The following COQ8B variants were observed in gnomAD, a reference collection of about 807,000 sequenced individuals.
COQ8B encodes coenzyme Q8B, also known as atypical kinase COQ8B, mitochondrial.
Under a neutral mutation model 62.0 loss-of-function variants are expected in COQ8B, and 44 were observed. The ratio of observed to expected loss-of-function variants is 0.71; its 90% confidence interval spans 0.56 to 0.91. COQ8B has a LOEUF of 0.91. Among genes scored for constraint, COQ8B ranks in the 40% least tolerant of loss-of-function variants. The pLI, the probability that COQ8B is intolerant of heterozygous loss-of-function variation, is 0.00. For missense variants in COQ8B, 649 were observed against 731.6 expected (o/e 0.89, Z 1.30); for synonymous variants, 252 against 289.9 (o/e 0.87, Z 1.33).
Position 40,692,365 on chromosome 19 carries a change from G to C in COQ8B, c.1305C>G (p.Ser435=). 2 of 1,613,084 alleles carry C rather than the reference G, an allele frequency of 1.2e-6. No homozygotes were observed. ...TCATCACTGCCTCCACGTGGGCGTC[G>C]GAGAATGCCTGGGAGTGGGGGTGGG... ...FLTGFETKAF[S]DAHVEAVMIL... Residue 435 remains serine, a synonymous_variant, in exon 15 of 15, where the codon TCC becomes TCG. Transcript: ENST00000324464.
chr19:40,695,490 C>T (rs539813292), intron 13 of COQ8B, among the ~76,000 whole-genome samples: 7 of 152,222 alleles, frequency 4.6e-5, no homozygotes, highest in Non-Finnish European at 8.8e-5. Context: ...GAGCCAAGTA[C>T]GTGAGGAAAC....
At chr19:40,701,544 T>C (rs765373654) in intron 10 of COQ8B, 5 of 152,080 alleles carry the variant, frequency 3.3e-5, no homozygotes, top group Non-Finnish European at 5.9e-5. Context: ...AGCTCCTCCT[T>C]TGGGGTTTGT....
Position 40,700,360 on chromosome 19 carries a change from C to T in COQ8B, c.985G>A (p.Gly329Arg), listed in dbSNP as rs538660506. 1.2e-6 allele frequency: 2 copies of T among 1,614,216 alleles called. No individual in the cohort carries two copies. Among genetic ancestry groups the T allele is most frequent in the African/African-American group, 1.3e-5 (1 of 75,076 alleles). ...TRVLGMELAG[G>R]VPLDQCQGLS... ...CCCTGGCACTGGTCCAGGGGGACCC[C>T]TCCAGCCAGCTCCATGCCCAGCACC... The change falls in exon 11 of 15, where the codon GGG becomes AGG. Residue 329 changes from glycine to arginine, a missense_variant. Coordinates refer to ENST00000324464, the MANE Select transcript of COQ8B (RefSeq NM_024876.4).
chr19:40,706,324 G>A (rs2082100835), intron 5 of COQ8B, among the ~76,000 whole-genome samples: 2 of 152,218 alleles, frequency 1.3e-5, no homozygotes, highest in Admixed American at 1.3e-4. Flanking sequence ...ACATTAAGAT[G>A]TTATTTTCCC....
At position 40,714,071 on chromosome 19, in the gene COQ8B, A is replaced by G. The variant is rs192920652; in HGVS notation, c.285T>C (p.Phe95=). 5 of 1,613,908 alleles carry G rather than the reference A, an allele frequency of 3.1e-6. No individual in the cohort carries two copies. In the East Asian group the frequency reaches 6.7e-5, roughly 22 times the overall value. The change falls in exon 4 of 15, where the codon TTT becomes TTC. Residue 95 remains phenylalanine, a synonymous_variant. Coordinates refer to ENST00000324464, the MANE Select transcript of COQ8B (RefSeq NM_024876.4). ...PASRISRLAN[F]GGLAVGLGLG... ...ATCCCCCAAAGTCACACCTACCCCCAAAGTTGGCCAAGCGGCTGATGCGGG... is the reference window on the plus strand; with the variant it reads ...ATCCCCCAAAGTCACACCTACCCCCGAAGTTGGCCAAGCGGCTGATGCGGG...
chr19:40,707,231 C>T (rs893087662), intron 5 of COQ8B, among the ~76,000 whole-genome samples: 7 of 151,160 alleles, frequency 4.6e-5, no homozygotes, highest in East Asian at 1.9e-4. Context: ...ATCCCGCCAC[C>T]GCACTCCAGC....
Position 40,714,068 on chromosome 19 carries a change from C to A in COQ8B, c.288G>T (p.Gly96=). The change falls in exon 4 of 15, where the codon GGG becomes GGT. Residue 96 remains glycine, a splice_region_variant and synonymous_variant. Transcript: ENST00000324464. ...AAGATCCCCCAAAGTCACACCTACC[C>A]CCAAAGTTGGCCAAGCGGCTGATGC... ...ASRISRLANF[G]GLAVGLGLGV... 2 of 1,614,094 alleles carry A rather than the reference C, an allele frequency of 1.2e-6. No homozygotes were observed. Among genetic ancestry groups the A allele is most frequent in the East Asian group, 2.2e-5 (1 of 44,862 alleles).
chr19:40,692,868 C>A, intron 14 of COQ8B, 83 bp downstream of exon 14: 2 of 1,236,502 alleles, frequency 1.6e-6, no homozygotes, highest in South Asian at 1.3e-5. Context: ...ATCACCTACT[C>A]GAGTTCCTCA....
intron 4 of COQ8B, 140 bp from the exon 5 acceptor site, chr19:40,710,276 G>T (rs972515459): frequency 9.3e-6 from 7 of 755,700 alleles, no homozygotes; most frequent in Non-Finnish European, 1.3e-5. Context: ...ATGGAGTCTC[G>T]CTCTGTTGCC....
chr19:40,711,785 T>G (rs1390544869), intron 4 of COQ8B, among the ~76,000 whole-genome samples: 1 of 152,220 alleles, frequency 6.6e-6, no homozygotes. Context: ...TCTGTGCACT[T>G]ACTAATTTTT....
chr19:40,715,642 C>T (rs1268754315), intron 1 of COQ8B: 6 of 974,874 alleles, frequency 6.2e-6, no homozygotes, highest in Non-Finnish European at 7.3e-6. Flanking sequence ...TACATACCCT[C>T]CCCCCCACTT....
In COQ8B at chr19:40,703,525, T is replaced by C; in HGVS notation, c.799+16A>G. ...CCCCTTTGGGAGGTCAGCAGAGGAG[T>C]GGGTGGGCGCCTCACCCGCGGGCAG... On this transcript the variant is annotated intron_variant, in intron 9 of 14. Coordinates refer to ENST00000324464, the MANE Select transcript of COQ8B (RefSeq NM_024876.4). 6.3e-7 allele frequency: 1 copy of C among 1,588,584 alleles called. No individual in the cohort carries two copies. The highest frequency in any genetic ancestry group is 8.6e-7 in the Non-Finnish European group (1 of 1,165,840).
chr19:40,707,540 T>C (rs1386591877), intron 5 of COQ8B, among the ~76,000 whole-genome samples: 2 of 151,654 alleles, frequency 1.3e-5, no homozygotes, highest in Non-Finnish European at 1.5e-5. Context: ...AACCTCCGCC[T>C]CCCCGGTTCA....
intron 9 of COQ8B, chr19:40,703,271 C>G (rs998768842): frequency 6.2e-5 from 28 of 454,652 alleles, no homozygotes; most frequent in Non-Finnish European, 9.4e-5. Context: ...CAATCCCGCT[C>G]CCTGCATGCA....
chr19:40,695,327 A>AAAAAAAAAGAAAAG (rs1279657448), intron 13 of COQ8B, among the ~76,000 whole-genome samples: 3 of 85,500 alleles, frequency 3.5e-5, no homozygotes, highest in Middle Eastern at 5.7e-3. Flanking sequence ...CAATTAAAAA[A>AAAAAAAAAGAAAAG]AAAAAAAAGA....
chr19:40,697,352 GA>G (rs2082022201), intron 12 of COQ8B, among the ~76,000 whole-genome samples: 1 of 152,070 alleles, frequency 6.6e-6, no homozygotes, highest in Non-Finnish European at 1.5e-5. Context: ...GGGCTCCAGT[GA>G]TCCTCCCACC....
chr19:40,700,098 G>A lies in COQ8B; in HGVS notation c.1112C>T (p.Ala371Val), dbSNP rs1364839291. ...FRFMQTDPNW[A>V]NFLYDASSHQ... is the part of the protein sequence containing the mutation. ...GCTGGAGGCATCATACAGGAAGTTG[G>A]CCCAGTTGGGGTCAGTCTGCATGAA... Residue 371 changes from alanine to valine, a missense_variant, in exon 12 of 15, where the codon GCC becomes GTC. Coordinates refer to ENST00000324464, the MANE Select transcript of COQ8B (RefSeq NM_024876.4). The A allele has an allele frequency of 6.2e-7, 1 of 1,614,126 alleles. No homozygotes were observed.
At chr19:40,704,159 T>A in intron 7 of COQ8B, 1 of 270,558 alleles carries the variant, frequency 3.7e-6, no homozygotes, top group Non-Finnish European at 7.0e-6. Flanking sequence ...TTTTTTTTTT[T>A]TTTTTTTTGA....
At chr19:40,692,480 C>T in intron 14 of COQ8B, 107 bp from the exon 15 acceptor site, 1 of 975,334 alleles carries the variant, frequency 1.0e-6, no homozygotes, top group Non-Finnish European at 1.5e-6. Context: ...TCTCCACCAT[C>T]AACACAAGCC....
Sources: gnomAD v4.1 joint callset for allele counts (sites outside exome capture counted in the v4.1 genomes callset) on GRCh38, gnomAD v4.1.1 for gene constraint, MANE v1.5 for transcripts, NCBI Gene and HGNC (gene_info 2026-07-23, HGNC 2026-07-21) for gene names.